Variants in MOV10 observed in about 807,000 individuals in gnomAD.
MOV10 encodes the protein Mov10 RNA helicase, also known as RNA helicase MOV-10.
A neutral mutation model predicts 108.4 loss-of-function variants in MOV10; 39 were observed. That is an observed-to-expected ratio of 0.36 (90% CI 0.28 to 0.47). The LOEUF (loss-of-function observed/expected upper bound fraction) is 0.47, where lower values mean the gene tolerates loss of function less well. Ranked by LOEUF, MOV10 falls within the 20% of genes least tolerant of loss-of-function variation. The pLI is 1.00. For missense variants in MOV10, 952 were observed against 1,297.6 expected, an observed-to-expected ratio of 0.73 and a Z score of 4.09; for synonymous variants, 490 against 523.1, an observed-to-expected ratio of 0.94 and a Z score of 0.86.
intron 7 of MOV10, among the ~76,000 whole-genome samples, chr1:112,693,131 G>A (rs977111603): frequency 6.6e-6 from 1 of 152,194 alleles, no homozygotes; most frequent in African/African-American, 2.4e-5. Flanking sequence ...TCTAGTCCAG[G>A]CTTTGCTACC....
intron 17 of MOV10, 74 bp downstream of exon 17, chr1:112,698,863 G>T: frequency 7.7e-7 from 1 of 1,303,130 alleles, no homozygotes; most frequent in Non-Finnish European, 1.1e-6. Context: ...ACTTCCTCAA[G>T]CTTCCACTCC....
At chr1:112,693,642 G>A (rs1053988551) in intron 7 of MOV10, 1 of 159,458 alleles carries the variant, frequency 6.3e-6, no homozygotes, top group Admixed American at 6.0e-5. Flanking sequence ...TGGGATTACA[G>A]GCGTGAGCCA....
intron 14 of MOV10, among the ~76,000 whole-genome samples, chr1:112,697,548 T>C (rs1263434520): frequency 6.6e-6 from 1 of 152,212 alleles, no homozygotes; most frequent in Non-Finnish European, 1.5e-5. Flanking sequence ...TGTATACTTT[T>C]AGTGAATGAG....
chr1:112,696,836 C>T lies in MOV10; in HGVS notation c.2188C>T (p.Arg730Cys), dbSNP rs761629290. 6.3e-6 allele frequency: 10 copies of T among 1,593,266 alleles called. No homozygotes were observed. Among genetic ancestry groups the T allele is most frequent in the Middle Eastern group, 1.7e-4 (1 of 6,058 alleles). ...CCCCCAGTTCATAACCAAGCTGCTCCGCAACTACAGGTATTCCCATGCCCT... is the reference window on the plus strand; with the variant it reads ...CCCCCAGTTCATAACCAAGCTGCTCTGCAACTACAGGTATTCCCATGCCCT... ...YDPQFITKLL[R>C]NYRSHPTILD... The change falls in exon 14 of 21, where the codon CGC becomes TGC. Residue 730 changes from arginine to cysteine, a missense_variant. Physicochemically the swap from Arg to Cys is radical, Grantham distance 180 (BLOSUM62 -3). Transcript: ENST00000369645.
intron 2 of MOV10, among the ~76,000 whole-genome samples, chr1:112,685,775 T>A (rs4424506): frequency 0.031 from 4,730 of 152,256 alleles, 262 homozygotes; most frequent in African/African-American, 0.11. Flanking sequence ...TGTGATTTTT[T>A]AAAAATAATT....
chr1:112,698,826 T>C (rs1294159706), intron 17 of MOV10, 37 bp downstream of exon 17: 8 of 1,576,100 alleles, frequency 5.1e-6, no homozygotes, highest in Admixed American at 3.3e-5. Context: ...CTGCCTTCCG[T>C]GTGCCCCCAC....
chr1:112,695,940 G>A (rs1570802417), intron 11 of MOV10, among the ~76,000 whole-genome samples: 1 of 152,192 alleles, frequency 6.6e-6, no homozygotes, highest in Non-Finnish European at 1.5e-5. Flanking sequence ...TACTCGGGAG[G>A]CTGAGGCACG....
At chr1:112,686,828 G>A (rs1182606538) in intron 2 of MOV10, 1 of 424,972 alleles carries the variant, frequency 2.4e-6, no homozygotes, top group African/African-American at 2.0e-5. Context: ...CCAAATTTCT[G>A]CTAATTTTAC....
At chr1:112,696,352 G>A in intron 12 of MOV10, 85 bp from the exon 13 acceptor site, 1 of 1,421,978 alleles carries the variant, frequency 7.0e-7, no homozygotes, top group Non-Finnish European at 9.9e-7. Flanking sequence ...GGGGTGGTGG[G>A]TGCTGAGAAG....
At position 112,699,766 on chromosome 1, in the gene MOV10, C is replaced by G; in HGVS notation, c.2665C>G (p.Gln889Glu). The change falls in exon 18 of 21, where the codon CAG becomes GAG. Residue 889 changes from glutamine to glutamate, a missense_variant. Physicochemically the swap from Gln to Glu is conservative, Grantham distance 29. Transcript: ENST00000369645. The part of the protein sequence containing the change: ...STVRSSQSFV[Q>E]LDLDFNLGFL... ...CGTGCGAAGCAGCCAGAGCTTTGTG[C>G]AGCTGGATCTGGACTTTAATCTGGG... The G allele has an allele frequency of 6.2e-7, 1 of 1,614,232 alleles. No homozygotes were observed. The highest frequency in any genetic ancestry group is 8.5e-7 in the Non-Finnish European group (1 of 1,180,036).
chr1:112,679,583 T>C (rs1672466882), intron 2 of MOV10, among the ~76,000 whole-genome samples: 3 of 152,100 alleles, frequency 2.0e-5, no homozygotes, highest in South Asian at 2.1e-4. Context: ...TCTGCAGATA[T>C]AGGGGGTGGC....
In MOV10 at chr1:112,694,530, A is replaced by G; in HGVS notation, c.1373A>G (p.His458Arg). 1 of 1,614,150 alleles carries G rather than the reference A, an allele frequency of 6.2e-7. No individual in the cohort carries two copies. The highest frequency in any genetic ancestry group is 1.1e-5 in the South Asian group (1 of 91,084). The change falls in exon 9 of 21, where the codon CAC (histidine) becomes CGC (arginine). Residue 458 changes from histidine (H) to arginine (R), a missense_variant. Physicochemically the swap from His to Arg is conservative, Grantham distance 29 (BLOSUM62 0). This residue lies in a region of MOV10 where 453 missense variants were observed against 611.5 expected (regional missense o/e 0.74). Coordinates refer to ENST00000369645, the MANE Select transcript of MOV10 (RefSeq NM_001321324.2). This position sits in a 1 kb window ranked among gnomAD's most constrained non-coding sequence, Gnocchi z 4.1. ...TFNRQPLRVQ[H>R]RALELTGRWL... ...AACCGCCAGCCGCTGCGAGTCCAGC[A>G]CCGTGCCCTGGAGCTGACAGGGCGC...
intron 14 of MOV10, 68 bp from the exon 15 acceptor site, chr1:112,697,926 G>A: frequency 1.5e-6 from 2 of 1,321,370 alleles, no homozygotes; most frequent in Non-Finnish European, 2.2e-6. Context: ...AGAGTGGGTA[G>A]AGCGGAGCCC....
chr1:112,691,871 C>A lies in MOV10; in HGVS notation c.971+72C>A, dbSNP rs556132961. The A allele has an allele frequency of 3.6e-5, 55 of 1,521,012 alleles. No individual in the cohort carries two copies. The African/African-American group carries it at 7.4e-4, about 20-fold the overall frequency. The allele number at this position is 1,521,012 out of a possible 1,614,324, so 94.2% of individuals were successfully genotyped here. A position where few individuals can be genotyped will look rare whatever the true frequency, so the allele number is the denominator to read the frequency against. On this transcript the variant is annotated intron_variant, in intron 6 of 20. Transcript: ENST00000369645. ...CTGGCTTCTTTGCATTGCCCTGGCA[C>A]CTCCGTCCTCAGCCTCCCAGGCTGT...
rs758343122 is a variant in MOV10, at chr1:112,689,034, C to G, written c.237C>G (p.Leu79=). The part of the protein sequence containing the change: ...VTKTRVRFFR[L]DRWADVRFPE... ...AGACTCGGGTCAGGTTCTTCAGACT[C>G]GACCGCTGGGCCGACGTGCGGTTCC... The change falls in exon 3 of 21, where the codon CTC becomes CTG. Residue 79 remains leucine, a synonymous_variant. Coordinates refer to ENST00000369645, the MANE Select transcript of MOV10 (RefSeq NM_001321324.2). 3.1e-6 allele frequency: 5 copies of G among 1,612,608 alleles called. No homozygotes were observed. In the South Asian group the frequency reaches 4.4e-5, roughly 14 times the overall value.
In MOV10 at chr1:112,693,919, G is replaced by T; in HGVS notation, c.1141-99G>T. The stretch of plus-strand genomic sequence containing the variant: ...CCCTGAGTCTTAGGTTAGAAGGCCA[G>T]TCTCAGTCCTTGTCCCTTAAAGGTC... On this transcript the variant is annotated intron_variant, in intron 7 of 20. Transcript: ENST00000369645. The T allele has an allele frequency of 2.8e-6, 3 of 1,070,252 alleles. No homozygotes were observed. In the South Asian group the frequency reaches 4.2e-5, roughly 15 times the overall value. 66.3% of individuals were successfully genotyped at this position (1,070,252 alleles called of 1,614,324 possible).
intron 17 of MOV10, chr1:112,699,217 C>T (rs747131415): frequency 1.4e-4 from 30 of 219,410 alleles, no homozygotes; most frequent in Non-Finnish European, 2.1e-4. Context: ...ATACAGCTAT[C>T]GGGGCAGAGC....
In MOV10 at chr1:112,699,524, C is replaced by T. The variant is rs1674436758; in HGVS notation, c.2584-161C>T. Reference sequence around the variant, plus strand: ...ATGTTTCAGCTTCCACAGCCTACCTCCCATCCCCTTTCCCTGGGCCGTGTC... The same window carrying T: ...ATGTTTCAGCTTCCACAGCCTACCTTCCATCCCCTTTCCCTGGGCCGTGTC... On this transcript the variant is annotated intron_variant, in intron 17 of 20. Transcript: ENST00000369645. The T allele has an allele frequency of 2.7e-6, 4 of 1,469,812 alleles. No homozygotes were observed. The South Asian group carries it at 4.3e-5, about 16-fold the overall frequency. 91.0% of individuals were successfully genotyped at this position (1,469,812 alleles called of 1,614,324 possible). A position where few individuals can be genotyped will look rare whatever the true frequency, so the allele number is the denominator to read the frequency against.
Position 112,675,142 on chromosome 1 carries a change from G to A in MOV10, c.137+93G>A. 6.9e-7 allele frequency: 1 copy of A among 1,456,064 alleles called. No individual in the cohort carries two copies. The highest frequency in any genetic ancestry group is 9.3e-7 in the Non-Finnish European group (1 of 1,078,676). 90.2% of individuals were successfully genotyped at this position (1,456,064 alleles called of 1,614,324 possible). On this transcript the variant is annotated intron_variant, in intron 2 of 20. Coordinates refer to ENST00000369645, the MANE Select transcript of MOV10 (RefSeq NM_001321324.2). This position sits in a 1 kb window ranked among gnomAD's most constrained non-coding sequence, Gnocchi z 4.7. Reference sequence around the variant, plus strand: ...GCCACCTTTCCCGCCCCGGGGCGCAGAGGGACGCAGCTCCCCCAGCGGCTC... The same window carrying A: ...GCCACCTTTCCCGCCCCGGGGCGCAAAGGGACGCAGCTCCCCCAGCGGCTC...
Sources: gnomAD v4.1 joint callset for allele counts (sites outside exome capture counted in the v4.1 genomes callset) on GRCh38, gnomAD v4.1.1 for gene constraint, gnomAD v4.1.1 regional missense constraint, Gnocchi (gnomAD v3.1) non-coding constraint, MANE v1.5 for transcripts, NCBI Gene and HGNC (gene_info 2026-07-23, HGNC 2026-07-21) for gene names.